The following PHTF2 variants were observed in gnomAD, a reference collection of about 807,000 sequenced individuals.
PHTF2 encodes putative homeodomain transcription factor 2, also known as protein PHTF2.
In PHTF2, 60 loss-of-function variants were observed where a neutral mutation model predicts 101.2. The observed-to-expected ratio is 0.59, with a 90% confidence interval of 0.48 to 0.73. The LOEUF (loss-of-function observed/expected upper bound fraction) is 0.73. Among genes scored for constraint, PHTF2 ranks in the 30% least tolerant of loss-of-function variants. PHTF2 has a pLI of 0.00. For missense variants in PHTF2, 747 were observed against 908.7 expected (o/e 0.82, Z 2.29); for synonymous variants, 311 against 307.3 (o/e 1.01, Z -0.13).
At chr7:77,839,474 G>A (rs1399895139) in intron 1 of PHTF2, among the ~76,000 whole-genome samples, 1 of 152,172 alleles carries the variant, frequency 6.6e-6, no homozygotes, top group Non-Finnish European at 1.5e-5. Context: ...GATTTGCAGA[G>A]TTATAGAACA....
At chr7:77,915,350 C>G (rs1802810312) in intron 9 of PHTF2, among the ~76,000 whole-genome samples, 1 of 152,128 alleles carries the variant, frequency 6.6e-6, no homozygotes, top group Non-Finnish European at 1.5e-5. Context: ...TCCCAAGTAG[C>G]TGGGACTACA....
intron 16 of PHTF2, among the ~76,000 whole-genome samples, chr7:77,945,594 A>C (rs1805983195): frequency 6.6e-6 from 1 of 152,204 alleles, no homozygotes; most frequent in Non-Finnish European, 1.5e-5. Context: ...GGAGATTTAA[A>C]ACCATACAAA....
At chr7:77,826,908 GAAAC>G (rs1794732976) in intron 1 of PHTF2, among the ~76,000 whole-genome samples, 1 of 152,076 alleles carries the variant, frequency 6.6e-6, no homozygotes, top group Non-Finnish European at 1.5e-5. Flanking sequence ...AACCTCAAAT[GAAAC>G]AAAATTAAAT....
intron 11 of PHTF2, among the ~76,000 whole-genome samples, chr7:77,927,177 A>ATATAT (rs1462222536): frequency 1.3e-5 from 1 of 78,156 alleles, no homozygotes; most frequent in Non-Finnish European, 2.4e-5. Flanking sequence ...AAAAAAAAAA[A>ATATAT]ATATATATAT....
At chr7:77,881,068 C>T (rs1799373585) in intron 3 of PHTF2, among the ~76,000 whole-genome samples, 1 of 152,040 alleles carries the variant, frequency 6.6e-6, no homozygotes, top group Non-Finnish European at 1.5e-5. Flanking sequence ...TTTTTATTGT[C>T]CCCATTCCCC....
chr7:77,802,462 A>G (rs1315933968), intron 1 of PHTF2, among the ~76,000 whole-genome samples: 2 of 151,758 alleles, frequency 1.3e-5, no homozygotes, highest in South Asian at 2.1e-4. Context: ...CTGTAGCCAC[A>G]TGGAGTCATT....
intron 9 of PHTF2, among the ~76,000 whole-genome samples, chr7:77,916,951 C>T (rs767052998): frequency 1.3e-5 from 2 of 152,132 alleles, no homozygotes; most frequent in Non-Finnish European, 2.9e-5. Flanking sequence ...GGTCGTGACC[C>T]ACTTATTATC....
At chr7:77,952,454 G>A (rs1806635605) in intron 18 of PHTF2, among the ~76,000 whole-genome samples, 1 of 152,076 alleles carries the variant, frequency 6.6e-6, no homozygotes, top group Admixed American at 6.5e-5. Context: ...AGAAGAAGTG[G>A]GTGGGGGGAT....
intron 12 of PHTF2, among the ~76,000 whole-genome samples, chr7:77,930,497 C>G (rs1296680799): frequency 6.6e-6 from 1 of 152,048 alleles, no homozygotes; most frequent in Non-Finnish European, 1.5e-5. Context: ...CACCTTCTCT[C>G]TCTTATCCAA....
chr7:77,939,975 A>G, intron 13 of PHTF2, 55 bp from the exon 13 acceptor site: 1 of 1,313,436 alleles, frequency 7.6e-7, no homozygotes, highest in Non-Finnish European at 1.1e-6. Flanking sequence ...CTGTAGATAA[A>G]ATTTATGGTA....
At chr7:77,939,519 G>A (rs1805451150) in intron 13 of PHTF2, among the ~76,000 whole-genome samples, 1 of 151,100 alleles carries the variant, frequency 6.6e-6, no homozygotes, top group South Asian at 2.1e-4. Flanking sequence ...ATGCTGAGTT[G>A]GGAGGGATCA....
At chr7:77,950,811 C>T (rs750890391) in intron 17 of PHTF2, among the ~76,000 whole-genome samples, 3 of 152,166 alleles carry the variant, frequency 2.0e-5, no homozygotes, top group Non-Finnish European at 2.9e-5. Context: ...GGTTTACACA[C>T]GGTTTTGGTT....
At chr7:77,863,260 C>T (rs2150681462) in intron 3 of PHTF2, among the ~76,000 whole-genome samples, 1 of 152,262 alleles carries the variant, frequency 6.6e-6, no homozygotes, top group Middle Eastern at 3.4e-3. Flanking sequence ...ATAGTGTAAT[C>T]TCTAATGAAG....
chr7:77,929,465 G>C (rs1804364414), intron 12 of PHTF2, 138 bp downstream of exon 11: 2 of 579,462 alleles, frequency 3.5e-6, no homozygotes, highest in Admixed American at 3.3e-5. Flanking sequence ...TGTGAGCTGT[G>C]GTCTGGCTTC....
At chr7:77,901,865 A>G (rs779971233) in exon 7 of PHTF2, 1 of 1,605,140 alleles carries the variant, frequency 6.2e-7, no homozygotes, top group Non-Finnish European at 8.5e-7. Context: ...GGTGGTGGTT[A>G]CAAGTAACAT....
chr7:77,911,809 A>T (rs1802424885), intron 9 of PHTF2, among the ~76,000 whole-genome samples: 1 of 152,170 alleles, frequency 6.6e-6, no homozygotes, highest in African/African-American at 2.4e-5. Flanking sequence ...TTTCGTTTTT[A>T]AACTTGGGTT....
chr7:77,845,632 T>C (rs1268297844), intron 2 of PHTF2, among the ~76,000 whole-genome samples: 1 of 152,186 alleles, frequency 6.6e-6, no homozygotes. Context: ...GCCATGTTAA[T>C]GTGTGTGTGG....
At chr7:77,850,504 T>C (rs146920990) in intron 2 of PHTF2, among the ~76,000 whole-genome samples, 2 of 150,518 alleles carry the variant, frequency 1.3e-5, no homozygotes, top group African/African-American at 4.9e-5. Context: ...AAGCCAGGCA[T>C]GGTGGCATAC....
chr7:77,906,130 G>A (rs551534887), intron 7 of PHTF2: 2 of 152,494 alleles, frequency 1.3e-5, no homozygotes, highest in African/African-American at 2.4e-5. Flanking sequence ...TGGGACTACA[G>A]GCGTGTGCCA....
Sources: gnomAD v4.1 joint callset for allele counts (sites outside exome capture counted in the v4.1 genomes callset) on GRCh38, gnomAD v4.1.1 for gene constraint, MANE v1.5 for transcripts, NCBI Gene and HGNC (gene_info 2026-07-23, HGNC 2026-07-21) for gene names.